The following DCLK1 variants were observed in gnomAD, a reference collection of about 807,000 sequenced individuals.
The protein encoded by DCLK1 is doublecortin like kinase 1, also known as serine/threonine-protein kinase DCLK1.
Under a neutral mutation model 86.2 loss-of-function variants are expected in DCLK1, and 16 were observed. That is an observed-to-expected ratio of 0.19 (90% CI 0.13 to 0.28). DCLK1 has a LOEUF of 0.28. DCLK1 is among the 10% of genes least tolerant of loss of function. The pLI, the probability that DCLK1 is intolerant of heterozygous loss-of-function variation, is 1.00. For synonymous variants in DCLK1, 369 were observed against 370.5 expected (o/e 1.00, Z 0.05); for missense variants, 590 against 940.2 (o/e 0.63, Z 4.87).
intron 11 of DCLK1, among the ~76,000 whole-genome samples, chr13:35,815,098 C>G (rs2087238960): frequency 6.6e-6 from 1 of 152,132 alleles, no homozygotes; most frequent in Non-Finnish European, 1.5e-5. Context: ...TTGGGGCACA[C>G]TGGTATTTTG....
At chr13:35,894,106 T>G (rs183686137) in intron 4 of DCLK1, among the ~76,000 whole-genome samples, 1 of 152,076 alleles carries the variant, frequency 6.6e-6, no homozygotes, top group Non-Finnish European at 1.5e-5. Context: ...AGATATCTCA[T>G]GTATATGCAA....
chr13:35,975,380 T>A (rs1879282317), intron 3 of DCLK1, among the ~76,000 whole-genome samples: 1 of 152,156 alleles, frequency 6.6e-6, no homozygotes, highest in Admixed American at 6.5e-5. Flanking sequence ...ATCTAGCTGG[T>A]CACGGTGCCA....
At chr13:36,001,884 T>C (rs1218747539) in intron 3 of DCLK1, among the ~76,000 whole-genome samples, 2 of 152,174 alleles carry the variant, frequency 1.3e-5, no homozygotes, top group African/African-American at 4.8e-5. Context: ...TCAAGCTAAT[T>C]GGAAGCTTTG....
chr13:35,989,367 G>A (rs1230335112), intron 3 of DCLK1, among the ~76,000 whole-genome samples: 1 of 152,098 alleles, frequency 6.6e-6, no homozygotes, highest in African/African-American at 2.4e-5. Context: ...CGCCTCCTGG[G>A]TTCAAGTGAT....
chr13:36,129,223 C>T (rs1046513892), intron 1 of DCLK1, among the ~76,000 whole-genome samples: 3 of 152,106 alleles, frequency 2.0e-5, no homozygotes, highest in African/African-American at 7.2e-5. Flanking sequence ...TTGGCAAAGG[C>T]CAAATAATTT....
chr13:35,871,192 C>T, intron 5 of DCLK1, 32 bp downstream of exon 5: 1 of 1,569,860 alleles, frequency 6.4e-7, no homozygotes, highest in Non-Finnish European at 8.8e-7. Context: ...AGGAACAAGG[C>T]AATTTCTTCA....
chr13:36,062,743 G>T (rs1477026859), intron 3 of DCLK1, among the ~76,000 whole-genome samples: 2 of 152,186 alleles, frequency 1.3e-5, no homozygotes, highest in Non-Finnish European at 2.9e-5. Context: ...GAAGAGAACT[G>T]ACCACGGATA....
chr13:35,784,367 C>T (rs941002827), intron 16 of DCLK1, among the ~76,000 whole-genome samples: 5 of 152,090 alleles, frequency 3.3e-5, no homozygotes, highest in Non-Finnish European at 1.5e-5. Flanking sequence ...TCTTAAGGGG[C>T]CTCTGAAAAC....
rs567855660 is a variant in DCLK1, at chr13:36,037,901, T to TA, written c.723+73967dup. Among the ~76,000 whole-genome samples, 12 of 152,082 alleles carry TA rather than the reference T, an allele frequency of 7.9e-5. No homozygotes were observed. The South Asian group carries it at 1.5e-3, about 18-fold the overall frequency. On this transcript the variant is annotated intron_variant, in intron 3 of 16. Transcript: ENST00000360631. ...AGAAAGAAAATCTAATCCCCTACTG[T>TA]AAAAAAAGAACTTCCAAGGTTCCAT...
intron 15 of DCLK1, among the ~76,000 whole-genome samples, chr13:35,794,695 C>T (rs1174808416): frequency 6.6e-6 from 1 of 152,250 alleles, no homozygotes. Flanking sequence ...TTCTTTTCTT[C>T]GTAACTTGGG....
At chr13:35,810,696 A>G in intron 12 of DCLK1, 139 bp downstream of exon 12, 2 of 1,145,306 alleles carry the variant, frequency 1.7e-6, no homozygotes, top group Non-Finnish European at 2.4e-6. Flanking sequence ...TTAAAGAATA[A>G]AATACAATTT....
chr13:36,114,596 A>G (rs576808609), intron 2 of DCLK1, among the ~76,000 whole-genome samples: 1 of 152,362 alleles, frequency 6.6e-6, no homozygotes, highest in East Asian at 1.9e-4. Context: ...TCCTTATGCT[A>G]ATACATTTCC....
intron 3 of DCLK1, among the ~76,000 whole-genome samples, chr13:35,975,224 C>T (rs1337448013): frequency 1.3e-5 from 2 of 152,200 alleles, no homozygotes; most frequent in Non-Finnish European, 2.9e-5. Flanking sequence ...AGGCAGAGGA[C>T]ACAGTGTGAG....
intron 3 of DCLK1, among the ~76,000 whole-genome samples, chr13:36,068,578 C>CA (rs1883852869): frequency 6.7e-6 from 1 of 149,978 alleles, no homozygotes; most frequent in Non-Finnish European, 1.5e-5. Flanking sequence ...TTTTTTTTAA[C>CA]AAATTCTCAT....
intron 16 of DCLK1, among the ~76,000 whole-genome samples, chr13:35,783,446 A>G (rs2086565476): frequency 6.6e-6 from 1 of 152,174 alleles, no homozygotes; most frequent in Non-Finnish European, 1.5e-5. Flanking sequence ...GTGGAAAATC[A>G]GACAGAGAAT....
chr13:35,835,792 G>A (rs974775543), intron 8 of DCLK1, among the ~76,000 whole-genome samples: 1 of 152,118 alleles, frequency 6.6e-6, no homozygotes, highest in African/African-American at 2.4e-5. Flanking sequence ...AGCTGGCAAC[G>A]TCTCTCTGAG....
At chr13:35,795,334 G>A (rs1184143641) in intron 15 of DCLK1, among the ~76,000 whole-genome samples, 1 of 152,142 alleles carries the variant, frequency 6.6e-6, no homozygotes, top group Non-Finnish European at 1.5e-5. Flanking sequence ...TAATGGCAGA[G>A]AAAGCTGAAA....
intron 3 of DCLK1, among the ~76,000 whole-genome samples, chr13:36,076,521 T>C (rs1263005546): frequency 6.6e-6 from 1 of 152,238 alleles, no homozygotes; most frequent in African/African-American, 2.4e-5. Flanking sequence ...TTGTATGTCC[T>C]TCTGATCACT....
At position 36,069,818 on chromosome 13, in the gene DCLK1, C is replaced by A. The variant is rs576348172; in HGVS notation, c.723+42051G>T. Among the ~76,000 whole-genome samples the A allele has an allele frequency of 4.6e-5, 7 of 152,322 alleles. No homozygotes were observed. In the Middle Eastern group the frequency reaches 0.01, roughly 222 times the overall value. On this transcript the variant is annotated intron_variant, in intron 3 of 16. Coordinates refer to ENST00000360631, the MANE Select transcript of DCLK1 (RefSeq NM_001330071.2). ...GTTAGGTGTACACCATAGTGAACCA[C>A]AATGCATATAATCTAAACATTTTAA...
Sources: allele counts gnomAD v4.1 joint callset (sites outside exome capture counted in the v4.1 genomes callset), GRCh38; gene constraint gnomAD v4.1.1; transcripts MANE v1.5; gene names NCBI Gene and HGNC (gene_info 2026-07-23, HGNC 2026-07-21).